The following PDIA5 variants were observed in gnomAD, a reference collection of about 807,000 sequenced individuals.
The protein encoded by PDIA5 is protein disulfide isomerase family A member 5.
PDIA5 carries 58 observed loss-of-function variants against 77.6 expected under a neutral mutation model. That is an observed-to-expected ratio of 0.75 (90% CI 0.61 to 0.93). The LOEUF is 0.93. PDIA5 is among the 40% of genes least tolerant of loss of function. The pLI, the probability that PDIA5 is intolerant of heterozygous loss-of-function variation, is 0.00. For missense variants in PDIA5, 630 were observed against 647.7 expected, an observed-to-expected ratio of 0.97 and a Z score of 0.30; for synonymous variants, 250 against 252.1, an observed-to-expected ratio of 0.99 and a Z score of 0.08.
At position 123,124,357 on chromosome 3, in the gene PDIA5, G is replaced by A. The variant is rs112977093; in HGVS notation, c.773+14G>A. 4.2e-3 allele frequency: 6,769 copies of A among 1,594,702 alleles called. 227 individuals carry two copies. The African/African-American group carries it at 0.077, about 18-fold the overall frequency. The stretch of plus-strand genomic sequence containing the variant: ...GTGGCTGAAGAAGTAAGTGGGGTGT[G>A]TGTGTGTCAGTGGGCGTGGACCCAG... On this transcript the variant is annotated intron_variant, in intron 10 of 16. Coordinates refer to ENST00000316218, the MANE Select transcript of PDIA5 (RefSeq NM_006810.4).
At chr3:123,116,163 G>C in intron 7 of PDIA5, 68 bp from the exon 8 acceptor site, 1 of 1,280,672 alleles carries the variant, frequency 7.8e-7, no homozygotes, top group Non-Finnish European at 1.1e-6. Context: ...CCATGGGGAG[G>C]CAGGGCAGGG....
intron 13 of PDIA5, among the ~76,000 whole-genome samples, chr3:123,148,568 TA>T (rs144004309): frequency 0.034 from 4,891 of 142,210 alleles, 127 homozygotes; most frequent in East Asian, 0.19. Flanking sequence ...GACCCTGTCT[TA>T]AAAAAAAAAA....
At chr3:123,103,681 A>G (rs2107934333) in intron 5 of PDIA5, among the ~76,000 whole-genome samples, 2 of 152,086 alleles carry the variant, frequency 1.3e-5, no homozygotes, top group South Asian at 4.2e-4. Flanking sequence ...CTTATCCACT[A>G]ACACTCATTC....
chr3:123,094,556 G>A (rs1285241820), intron 3 of PDIA5, among the ~76,000 whole-genome samples: 6 of 152,216 alleles, frequency 3.9e-5, no homozygotes, highest in East Asian at 3.8e-4. Context: ...GGGAGCCCCC[G>A]TGTCAGCTCC....
At chr3:123,103,622 C>T (rs1327255709) in intron 5 of PDIA5, among the ~76,000 whole-genome samples, 1 of 152,160 alleles carries the variant, frequency 6.6e-6, no homozygotes, top group African/African-American at 2.4e-5. Flanking sequence ...CTCCCTCTGC[C>T]CTTCCTTCTC....
intron 1 of PDIA5, among the ~76,000 whole-genome samples, chr3:123,075,613 G>A (rs932007084): frequency 3.3e-5 from 5 of 152,108 alleles, no homozygotes; most frequent in Non-Finnish European, 7.4e-5. Context: ...AATGGAAGGA[G>A]GGAGGAGAAT....
chr3:123,071,807 A>C (rs564785756), intron 1 of PDIA5, among the ~76,000 whole-genome samples: 1 of 152,314 alleles, frequency 6.6e-6, no homozygotes, highest in South Asian at 2.1e-4. Flanking sequence ...TCCTGGCTGT[A>C]GTGTCCCCAG....
Position 123,145,593 on chromosome 3 carries a change from G to A in PDIA5, c.981+1G>A. On this transcript the variant is annotated splice_donor_variant, in intron 12 of 16. Transcript: ENST00000316218. LOFTEE classifies it high-confidence loss of function. ...AGAAGCCCTCCATGGAGAAGCGGAT[G>A]TAAGCTTCCTTTCCTTCCCCCTCAC... The A allele has an allele frequency of 1.2e-6, 2 of 1,608,520 alleles. No individual in the cohort carries two copies. The highest frequency in any genetic ancestry group is 1.7e-5 in the Admixed American group (1 of 60,016).
Position 123,089,297 on chromosome 3 carries a change from G to A in PDIA5, c.169+3G>A. ...ACTGGTGCTTTACTCCAAATCTGGT[G>A]AGTGTCCCTTCCTGGCCTTGAGGTC... On this transcript the variant is annotated splice_donor_region_variant and intron_variant, in intron 2 of 16. Coordinates refer to ENST00000316218, the MANE Select transcript of PDIA5 (RefSeq NM_006810.4). 6.2e-7 allele frequency: 1 copy of A among 1,614,016 alleles called. No individual in the cohort carries two copies. Among genetic ancestry groups the A allele is most frequent in the Non-Finnish European group, 8.5e-7 (1 of 1,179,900 alleles).
intron 7 of PDIA5, among the ~76,000 whole-genome samples, chr3:123,114,056 C>T (rs1934935204): frequency 6.6e-6 from 1 of 152,222 alleles, no homozygotes; most frequent in South Asian, 2.1e-4. Context: ...CTCTCCCCAA[C>T]CAATAACTTC....
At chr3:123,100,341 C>A (rs961905169) in intron 3 of PDIA5, among the ~76,000 whole-genome samples, 2 of 152,254 alleles carry the variant, frequency 1.3e-5, no homozygotes, top group African/African-American at 4.8e-5. Context: ...AAGAGGCATG[C>A]GTGGACCTCA....
intron 1 of PDIA5, among the ~76,000 whole-genome samples, chr3:123,075,255 G>A (rs1560492795): frequency 6.6e-6 from 1 of 152,214 alleles, no homozygotes; most frequent in Non-Finnish European, 1.5e-5. Context: ...ACGTAAAGAT[G>A]TGTTGCTTAG....
intron 10 of PDIA5, 30 bp downstream of exon 10, chr3:123,124,373 G>A (rs780042648): frequency 4.7e-5 from 72 of 1,539,072 alleles, no homozygotes; most frequent in South Asian, 7.8e-5. Flanking sequence ...GTCAGTGGGC[G>A]TGGACCCAGA....
chr3:123,075,317 G>C (rs1933825958), intron 1 of PDIA5, among the ~76,000 whole-genome samples: 1 of 152,176 alleles, frequency 6.6e-6, no homozygotes, highest in Non-Finnish European at 1.5e-5. Context: ...TCAGGAGAGT[G>C]GGTGAAGTTG....
chr3:123,088,482 TC>T (rs1430714940), intron 1 of PDIA5, among the ~76,000 whole-genome samples: 2 of 152,224 alleles, frequency 1.3e-5, no homozygotes, highest in African/African-American at 4.8e-5. Context: ...CTTTGGTGCT[TC>T]TAGATGGGAT....
chr3:123,097,678 C>T (rs948037441), intron 3 of PDIA5, among the ~76,000 whole-genome samples: 7 of 152,192 alleles, frequency 4.6e-5, no homozygotes, highest in African/African-American at 1.2e-4. Flanking sequence ...TCTTGCTCAG[C>T]ACTCGCCCCC....
chr3:123,134,927 T>C (rs1288310992), intron 11 of PDIA5, among the ~76,000 whole-genome samples: 1 of 152,150 alleles, frequency 6.6e-6, no homozygotes. Context: ...GAGCCGCCTC[T>C]CTTGCTAGCA....
intron 1 of PDIA5, among the ~76,000 whole-genome samples, chr3:123,078,567 C>T (rs750565975): frequency 6.6e-6 from 1 of 152,180 alleles, no homozygotes; most frequent in South Asian, 2.1e-4. Flanking sequence ...TCTTCCTCTA[C>T]ATATATGAAG....
intron 5 of PDIA5, among the ~76,000 whole-genome samples, chr3:123,104,010 G>A (rs574983006): frequency 6.6e-6 from 1 of 152,316 alleles, no homozygotes; most frequent in South Asian, 2.1e-4. Flanking sequence ...GGAGCAGGGA[G>A]TTCTGAGCGG....
Sources: allele counts gnomAD v4.1 joint callset (sites outside exome capture counted in the v4.1 genomes callset), GRCh38; gene constraint gnomAD v4.1.1; transcripts MANE v1.5; gene names NCBI Gene and HGNC (gene_info 2026-07-23, HGNC 2026-07-21).